DNAJC13: variants seen among roughly 807,000 people sequenced by gnomAD.
DNAJC13 encodes the protein dnaJ homolog subfamily C member 13.
DNAJC13 carries 75 observed loss-of-function variants against 290.5 expected under a neutral mutation model. That is an observed-to-expected ratio of 0.26 (90% confidence interval 0.21 to 0.31). The LOEUF (loss-of-function observed/expected upper bound fraction) is 0.31, where lower values mean the gene tolerates loss of function less well. Among genes scored for constraint, DNAJC13 ranks in the 10% least tolerant of loss-of-function variants. The pLI, the probability that DNAJC13 is intolerant of heterozygous loss-of-function variation, is 1.00. For synonymous variants in DNAJC13, 862 were observed against 892.0 expected, an observed-to-expected ratio of 0.97 and a Z score of 0.60; for missense variants, 2,260 against 2,674.5, an observed-to-expected ratio of 0.85 and a Z score of 3.42.
At chr3:132,509,852 AG>A (rs563143585) in intron 43 of DNAJC13, among the ~76,000 whole-genome samples, 77 of 152,348 alleles carry the variant, frequency 5.1e-4, no homozygotes, top group African/African-American at 1.8e-3. Context: ...AATAGACCAC[AG>A]TATAATGTAA....
At chr3:132,435,261 C>A (rs892284036) in intron 2 of DNAJC13, among the ~76,000 whole-genome samples, 17 of 152,264 alleles carry the variant, frequency 1.1e-4, no homozygotes, top group African/African-American at 3.4e-4. Flanking sequence ...ATTGAGTATT[C>A]AGTGAATGGC....
chr3:132,472,630 C>A (rs553733041), intron 20 of DNAJC13: 4 of 968,528 alleles, frequency 4.1e-6, no homozygotes, highest in East Asian at 2.3e-4. Context: ...CATGTGGAGT[C>A]ATCTTTGATA....
intron 2 of DNAJC13, among the ~76,000 whole-genome samples, chr3:132,441,868 G>C (rs564760063): frequency 6.6e-6 from 1 of 152,072 alleles, no homozygotes; most frequent in Non-Finnish European, 1.5e-5. Flanking sequence ...GTTTGAATTA[G>C]ATAACTAGTA....
In DNAJC13 at chr3:132,466,359, C is replaced by T. The variant is rs761634420; in HGVS notation, c.2029C>T (p.Arg677Trp). The change falls in exon 19 of 56, where the codon CGG becomes TGG. Residue 677 changes from arginine (R) to tryptophan (W), a missense_variant. By Grantham distance (101) the Arg-to-Trp change is moderately radical. Around this residue, in one of 3 missense-constraint regions of DNAJC13, gnomAD observed 762 missense variants for 964.1 expected, o/e 0.79. Coordinates refer to ENST00000260818, the MANE Select transcript of DNAJC13 (RefSeq NM_015268.4). ...TCTCGTACCTGAGAAGGATGCTGAT[C>T]GGATGCATGTTAGAGACAATGTGAA... ...SDLVPEKDAD[R>W]MHVRDNVKIA... The T allele has an allele frequency of 1.2e-5, 20 of 1,601,856 alleles. No homozygotes were observed. In the Admixed American group the frequency reaches 1.6e-4, roughly 13 times the overall value.
intron 38 of DNAJC13, among the ~76,000 whole-genome samples, chr3:132,500,477 T>G (rs769907395): frequency 5.9e-5 from 9 of 152,240 alleles, no homozygotes; most frequent in Non-Finnish European, 1.2e-4. Flanking sequence ...ATACAGTCTC[T>G]GTTACATTTT....
intron 33 of DNAJC13, 114 bp from the exon 34 acceptor site, chr3:132,494,030 T>C: frequency 1.5e-5 from 11 of 720,896 alleles, no homozygotes; most frequent in Non-Finnish European, 2.5e-5. Context: ...AAGCTGTTAA[T>C]TGGACAGCTA....
intron 48 of DNAJC13, among the ~76,000 whole-genome samples, chr3:132,521,671 G>C (rs1052160379): frequency 1.3e-5 from 2 of 152,196 alleles, no homozygotes; most frequent in African/African-American, 4.8e-5. Context: ...CACTCAGGGA[G>C]CTCATGACCA....
At chr3:132,519,933 A>G (rs1367017633) in intron 48 of DNAJC13, among the ~76,000 whole-genome samples, 3 of 152,188 alleles carry the variant, frequency 2.0e-5, no homozygotes. Context: ...GGTGAAAGCC[A>G]TGTCTCAAAT....
intron 40 of DNAJC13, 130 bp downstream of exon 40, chr3:132,502,598 C>CT (rs35649823): frequency 6.6e-6 from 5 of 762,258 alleles, no homozygotes; most frequent in Non-Finnish European, 9.5e-6. Context: ...AGGTTTTTTG[C>CT]TTTTTAAACC....
chr3:132,493,204 GCCTGT>G (rs1935119758), intron 33 of DNAJC13, among the ~76,000 whole-genome samples: 1 of 151,910 alleles, frequency 6.6e-6, no homozygotes, highest in Non-Finnish European at 1.5e-5. Context: ...TACACTGTTG[GCCTGT>G]CCAGAGTGCC....
intron 16 of DNAJC13, 78 bp from the exon 17 acceptor site, chr3:132,463,618 T>C (rs1157966586): frequency 6.8e-7 from 1 of 1,471,974 alleles, no homozygotes; most frequent in African/African-American, 1.4e-5. Flanking sequence ...CATTTAAATA[T>C]GTAAAATTAG....
chr3:132,472,150 C>G (rs891050228), intron 20 of DNAJC13, among the ~76,000 whole-genome samples: 2 of 148,072 alleles, frequency 1.4e-5, no homozygotes, highest in Non-Finnish European at 3.0e-5. Context: ...GCAGGAGAAT[C>G]AGGCAGGGAG....
intron 34 of DNAJC13, 37 bp downstream of exon 34, chr3:132,494,296 C>A: frequency 6.9e-7 from 1 of 1,440,468 alleles, no homozygotes; most frequent in Non-Finnish European, 9.8e-7. Context: ...ATGTCTGTCC[C>A]ACCTTAAAGT....
chr3:132,523,996 A>G (rs528538735), intron 51 of DNAJC13: 1 of 279,832 alleles, frequency 3.6e-6, no homozygotes, highest in Non-Finnish European at 6.6e-6. Context: ...TTTACTGTCC[A>G]TCTCTAATGA....
At chr3:132,424,736 CTG>C (rs1447376494) in intron 1 of DNAJC13, among the ~76,000 whole-genome samples, 1 of 152,008 alleles carries the variant, frequency 6.6e-6, no homozygotes, top group Non-Finnish European at 1.5e-5. Flanking sequence ...ACATCTATCT[CTG>C]GAGGTATCGG....
chr3:132,456,777 G>A lies in DNAJC13; in HGVS notation c.1294G>A (p.Val432Met). Residue 432 changes from valine to methionine, a missense_variant, in exon 12 of 56, where the codon GTG becomes ATG. Physicochemically the swap from Val to Met is conservative, Grantham distance 21. This residue lies in a region of DNAJC13 where 762 missense variants were observed against 964.1 expected (regional missense o/e 0.79). Transcript: ENST00000260818. Reference protein sequence around the residue: ...NAELESQFQAVRRLVASKAGF... With the variant: ...NAELESQFQAMRRLVASKAGF... ...GGAACTTGAGAGTCAGTTCCAGGCT[G>A]TGAGGAGGCTTGTGGCATCCAAAGC... 1.2e-6 allele frequency: 2 copies of A among 1,614,128 alleles called. No individual in the cohort carries two copies. The highest frequency in any genetic ancestry group is 1.6e-4 in the Middle Eastern group (1 of 6,062).
At chr3:132,494,307 AC>A (rs1249255868) in intron 34 of DNAJC13, 48 bp downstream of exon 34, 1 of 1,365,022 alleles carries the variant, frequency 7.3e-7, no homozygotes, top group South Asian at 1.2e-5. Context: ...ACCTTAAAGT[AC>A]CAGTATCAAA....
chr3:132,517,023 A>G (rs533024375), intron 48 of DNAJC13, among the ~76,000 whole-genome samples: 1 of 152,342 alleles, frequency 6.6e-6, no homozygotes, highest in East Asian at 1.9e-4. Flanking sequence ...CTGGAATTGA[A>G]AAGTCTTAAG....
At chr3:132,420,684 C>T (rs1034408283) in intron 1 of DNAJC13, among the ~76,000 whole-genome samples, 3 of 152,052 alleles carry the variant, frequency 2.0e-5, no homozygotes, top group South Asian at 4.1e-4. Flanking sequence ...AGTAAACCAT[C>T]GCCCACCAGA....
Sources: allele counts gnomAD v4.1 joint callset (sites outside exome capture counted in the v4.1 genomes callset), GRCh38; gene constraint gnomAD v4.1.1; regional missense constraint gnomAD v4.1.1; transcripts MANE v1.5; gene names NCBI Gene and HGNC (gene_info 2026-07-23, HGNC 2026-07-21).